MYT1L: variants seen among roughly 807,000 people sequenced by gnomAD.
MYT1L encodes the protein myelin transcription factor 1-like protein.
A neutral mutation model predicts 126.7 loss-of-function variants in MYT1L; 12 were observed. That is an observed-to-expected ratio of 0.09 (90% CI 0.06 to 0.15). The LOEUF (loss-of-function observed/expected upper bound fraction) is 0.15, where lower values mean the gene tolerates loss of function less well. MYT1L is among the 10% of genes least tolerant of loss of function. The pLI, the probability that MYT1L is intolerant of heterozygous loss-of-function variation, is 1.00. For missense variants in MYT1L, 979 were observed against 1,585.2 expected (o/e 0.62, Z 6.49); for synonymous variants, 541 against 604.2 (o/e 0.90, Z 1.53).
At chr2:2,148,802 G>A (rs2085286796) in intron 3 of MYT1L, among the ~76,000 whole-genome samples, 1 of 152,152 alleles carries the variant, frequency 6.6e-6, no homozygotes, top group Non-Finnish European at 1.5e-5. Context: ...TGCACAGCAT[G>A]AGCCTCCAAA....
intron 2 of MYT1L, among the ~76,000 whole-genome samples, chr2:2,212,475 TATTA>T (rs1384555800): frequency 1.3e-5 from 2 of 152,242 alleles, no homozygotes; most frequent in African/African-American, 4.8e-5. Context: ...ATTCATAATT[TATTA>T]CTCTAATAAT....
At position 1,934,209 on chromosome 2, in the gene MYT1L, C is replaced by T. The variant is rs967437503; in HGVS notation, c.505+8773G>A. On this transcript the variant is annotated intron_variant, in intron 9 of 24. Coordinates refer to ENST00000647738, the MANE Select transcript of MYT1L (RefSeq NM_001303052.2). ...CAGGATGGTCTCGATCTCCTGACCT[C>T]GTGATCCTCCCGCCTTGGCCTCCAA... Among the ~76,000 whole-genome samples the T allele has an allele frequency of 8.6e-5, 13 of 150,908 alleles. No individual in the cohort carries two copies. The South Asian group carries it at 1.3e-3, about 15-fold the overall frequency.
chr2:2,004,430 CAT>C (rs2149690428), intron 4 of MYT1L, among the ~76,000 whole-genome samples: 1 of 144,510 alleles, frequency 6.9e-6, no homozygotes, highest in Admixed American at 6.9e-5. Context: ...TTCTTTCCTG[CAT>C]GCGTTCTTTC....
intron 2 of MYT1L, among the ~76,000 whole-genome samples, chr2:2,191,275 A>T (rs1426573534): frequency 6.6e-6 from 1 of 152,224 alleles, no homozygotes; most frequent in East Asian, 1.9e-4. Flanking sequence ...TCTTAGGGCC[A>T]ATGGCAAAGA....
intron 8 of MYT1L, among the ~76,000 whole-genome samples, chr2:1,959,298 C>T (rs970605567): frequency 2.0e-5 from 3 of 152,176 alleles, no homozygotes; most frequent in Non-Finnish European, 4.4e-5. Flanking sequence ...TCTGCTCCTT[C>T]GGAGAAGACC....
intron 10 of MYT1L, among the ~76,000 whole-genome samples, chr2:1,918,343 C>T (rs2053138640): frequency 6.6e-6 from 1 of 152,180 alleles, no homozygotes; most frequent in South Asian, 2.1e-4. Flanking sequence ...TATTTTTAGC[C>T]AGTTTTTGAA....
chr2:2,314,868 G>A (rs928777408), intron 1 of MYT1L, among the ~76,000 whole-genome samples: 3 of 152,072 alleles, frequency 2.0e-5, no homozygotes, highest in African/African-American at 7.2e-5. Flanking sequence ...TCAGAAATAA[G>A]ACTGCACATC....
chr2:2,207,728 C>A (rs957203647), intron 2 of MYT1L, among the ~76,000 whole-genome samples: 4 of 152,104 alleles, frequency 2.6e-5, no homozygotes, highest in Non-Finnish European at 5.9e-5. Context: ...GCTCTCTCTT[C>A]CAGAAAATAC....
At chr2:1,880,973 G>A (rs917002171) in intron 18 of MYT1L, among the ~76,000 whole-genome samples, 1 of 152,232 alleles carries the variant, frequency 6.6e-6, no homozygotes, top group Non-Finnish European at 1.5e-5. Context: ...CTTTAGGAAT[G>A]TTTCATCAAG....
At chr2:2,300,659 T>C (rs762643494) in intron 1 of MYT1L, among the ~76,000 whole-genome samples, 4 of 152,346 alleles carry the variant, frequency 2.6e-5, no homozygotes, top group Non-Finnish European at 5.9e-5. Flanking sequence ...CTTTGTCCCA[T>C]GCGCATTTTG....
intron 4 of MYT1L, among the ~76,000 whole-genome samples, chr2:2,032,645 C>A (rs1371212760): frequency 8.1e-6 from 1 of 123,782 alleles, no homozygotes; most frequent in Non-Finnish European, 1.6e-5. Context: ...TGGCCCAGAG[C>A]AGATTCTAGA....
chr2:1,871,629 C>A (rs2046301163), intron 18 of MYT1L, among the ~76,000 whole-genome samples: 1 of 152,196 alleles, frequency 6.6e-6, no homozygotes, highest in African/African-American at 2.4e-5. Flanking sequence ...CTGTGCCCCT[C>A]CCCTCATCTC....
At chr2:2,302,423 G>C (rs977540537) in intron 1 of MYT1L, among the ~76,000 whole-genome samples, 1 of 152,230 alleles carries the variant, frequency 6.6e-6, no homozygotes, top group African/African-American at 2.4e-5. Context: ...TATATAAGGT[G>C]AGCTTTGAAA....
At chr2:1,876,054 G>A (rs1161138727) in intron 18 of MYT1L, among the ~76,000 whole-genome samples, 4 of 152,216 alleles carry the variant, frequency 2.6e-5, no homozygotes, top group Non-Finnish European at 5.9e-5. Flanking sequence ...TCTGCGGTGA[G>A]GTTGAGGGCT....
At chr2:1,864,386 C>A (rs1259703489) in intron 18 of MYT1L, among the ~76,000 whole-genome samples, 2 of 152,342 alleles carry the variant, frequency 1.3e-5, no homozygotes, top group Non-Finnish European at 1.5e-5. Flanking sequence ...AGCAGGCCCT[C>A]CACAGTCTTG....
At position 1,929,224 on chromosome 2, in the gene MYT1L, C is replaced by T. The variant is rs932062321; in HGVS notation, c.506-5961G>A. On this transcript the variant is annotated intron_variant, in intron 9 of 24. Coordinates refer to ENST00000647738, the MANE Select transcript of MYT1L (RefSeq NM_001303052.2). This position sits in a 1 kb window ranked among gnomAD's most constrained non-coding sequence, Gnocchi z 4.7. ...AGTCGGGCACCTCTCCTAGGTGCGG[C>T]GCTGACCTCGGCGCCCCTCAGCTGC... Among the ~76,000 whole-genome samples the T allele has an allele frequency of 1.3e-5, 2 of 152,118 alleles. No individual in the cohort carries two copies. Among genetic ancestry groups the T allele is most frequent in the African/African-American group, 2.4e-5 (1 of 41,426 alleles).
intron 2 of MYT1L, among the ~76,000 whole-genome samples, chr2:2,243,380 G>A (rs2149159421): frequency 6.6e-6 from 1 of 152,238 alleles, no homozygotes; most frequent in East Asian, 1.9e-4. Flanking sequence ...ATCTCTCAAG[G>A]TTTATTTACA....
At chr2:2,135,151 A>C (rs1208423039) in intron 3 of MYT1L, among the ~76,000 whole-genome samples, 2 of 152,136 alleles carry the variant, frequency 1.3e-5, no homozygotes, top group African/African-American at 4.8e-5. Flanking sequence ...TCCCCACCCA[A>C]ATCTCATCTT....
At chr2:1,977,088 A>G (rs1472307055) in intron 8 of MYT1L, among the ~76,000 whole-genome samples, 1 of 152,234 alleles carries the variant, frequency 6.6e-6, no homozygotes, top group Non-Finnish European at 1.5e-5. Context: ...TCTAATAATT[A>G]CATACCATAT....
Sources: gnomAD v4.1 joint callset for allele counts (sites outside exome capture counted in the v4.1 genomes callset) on GRCh38, gnomAD v4.1.1 for gene constraint, Gnocchi (gnomAD v3.1) non-coding constraint, MANE v1.5 for transcripts, NCBI Gene and HGNC (gene_info 2026-07-23, HGNC 2026-07-21) for gene names.